Variants in FMNL2 observed in about 807,000 individuals in gnomAD.
FMNL2 encodes the protein formin like 2, also known as formin-like protein 2.
Under a neutral mutation model 130.2 loss-of-function variants are expected in FMNL2, and 51 were observed. That is an observed-to-expected ratio of 0.39 (90% CI 0.31 to 0.49). FMNL2 has a LOEUF of 0.49. Among genes scored for constraint, FMNL2 ranks in the 20% least tolerant of loss-of-function variants. The pLI, the probability that FMNL2 is intolerant of heterozygous loss-of-function variation, is 0.85. For synonymous variants in FMNL2, 465 were observed against 467.1 expected (o/e 1.00, Z 0.06); for missense variants, 977 against 1,316.2 (o/e 0.74, Z 3.99).
intron 1 of FMNL2, among the ~76,000 whole-genome samples, chr2:152,362,947 T>G (rs1207537301): frequency 6.6e-6 from 1 of 152,166 alleles, no homozygotes; most frequent in East Asian, 1.9e-4. Context: ...GATTACATAT[T>G]ACATGATTCC....
chr2:152,341,039 C>T (rs1681770458), intron 1 of FMNL2, among the ~76,000 whole-genome samples: 1 of 152,212 alleles, frequency 6.6e-6, no homozygotes, highest in African/African-American at 2.4e-5. Flanking sequence ...CAAGGTGTTG[C>T]TCCCTTTCAG....
chr2:152,415,032 T>G (rs1686527391), intron 1 of FMNL2, among the ~76,000 whole-genome samples: 1 of 152,190 alleles, frequency 6.6e-6, no homozygotes, highest in African/African-American at 2.4e-5. Flanking sequence ...AAAATTCCAG[T>G]ACAAAGTATC....
intron 12 of FMNL2, among the ~76,000 whole-genome samples, chr2:152,615,368 T>C (rs1698893081): frequency 6.6e-6 from 1 of 152,196 alleles, no homozygotes; most frequent in Admixed American, 6.5e-5. Flanking sequence ...TATCTTCTTA[T>C]CAACTATGTC....
At chr2:152,640,967 G>C (rs1373341285) in intron 25 of FMNL2, 53 bp downstream of exon 25, 10 of 1,603,802 alleles carry the variant, frequency 6.2e-6, no homozygotes, top group Non-Finnish European at 8.5e-6. Context: ...GCCTCACCTA[G>C]ACTGGGATGC....
chr2:152,640,406 CTTGCT>C (rs1273651944), intron 24 of FMNL2, among the ~76,000 whole-genome samples: 1 of 152,122 alleles, frequency 6.6e-6, no homozygotes, highest in African/African-American at 2.4e-5. Context: ...GCTGGAGGGA[CTTGCT>C]AGCAGGAATG....
intron 12 of FMNL2, among the ~76,000 whole-genome samples, chr2:152,616,770 G>A (rs1698975858): frequency 6.6e-6 from 1 of 152,134 alleles, no homozygotes; most frequent in African/African-American, 2.4e-5. Flanking sequence ...GGGGATGGAG[G>A]TGGACTTTCC....
At chr2:152,589,963 A>ATATGTATATGTATATG (rs1553482656) in intron 9 of FMNL2, among the ~76,000 whole-genome samples, 1 of 31,784 alleles carries the variant, frequency 3.1e-5, no homozygotes, top group Non-Finnish European at 6.5e-5. Context: ...ATATATATAT[A>ATATGTATATGTATATG]TATATATATA....
At chr2:152,460,575 G>A (rs573415216) in intron 1 of FMNL2, among the ~76,000 whole-genome samples, 2 of 152,226 alleles carry the variant, frequency 1.3e-5, no homozygotes, top group East Asian at 3.9e-4. Context: ...CCCAACCCCC[G>A]GGCCACGGAC....
intron 1 of FMNL2, among the ~76,000 whole-genome samples, chr2:152,351,536 C>CT (rs1002979366): frequency 4.1e-4 from 63 of 152,134 alleles, no homozygotes; most frequent in African/African-American, 1.4e-3. Flanking sequence ...TGAACTCATC[C>CT]TTTTTTATGG....
At chr2:152,500,969 C>T (rs1691794037) in intron 1 of FMNL2, among the ~76,000 whole-genome samples, 1 of 152,214 alleles carries the variant, frequency 6.6e-6, no homozygotes, top group African/African-American at 2.4e-5. Context: ...AGTCCCTGAC[C>T]GAGGCAGGCG....
chr2:152,338,727 T>C lies in FMNL2; in HGVS notation c.117+3007T>C, dbSNP rs187959449. Among the ~76,000 whole-genome samples, 6 of 152,062 alleles carry C rather than the reference T, an allele frequency of 3.9e-5. No homozygotes were observed. The East Asian group carries it at 1.2e-3, about 29-fold the overall frequency. ...ATCATTATAGTAATAGTTATAAAAC[T>C]TACATTTAAGGGAAAAAATTACTGT... On this transcript the variant is annotated intron_variant, in intron 1 of 25. Coordinates refer to ENST00000288670, the MANE Select transcript of FMNL2 (RefSeq NM_052905.4).
rs141818606 is a variant in FMNL2 at position 152,395,042 on chromosome 2, A to T, written c.117+59322A>T. Among the ~76,000 whole-genome samples, 684 of 152,274 alleles carry T rather than the reference A, an allele frequency of 4.5e-3. 3 individuals carry two copies. The highest frequency in any genetic ancestry group is 0.016 in the African/African-American group (667 of 41,536). Reference sequence around the variant, plus strand: ...TAAGAGTTATTCCTGCTGAACCAGGAATGCTGTTAGAGTGTCAAGGATGGA... The same window carrying T: ...TAAGAGTTATTCCTGCTGAACCAGGTATGCTGTTAGAGTGTCAAGGATGGA... On this transcript the variant is annotated intron_variant, in intron 1 of 25. Transcript: ENST00000288670.
chr2:152,356,943 T>TTGAA (rs1682831808), intron 1 of FMNL2, among the ~76,000 whole-genome samples: 1 of 148,108 alleles, frequency 6.8e-6, no homozygotes, highest in Non-Finnish European at 1.5e-5. Context: ...ATAATATATA[T>TTGAA]TAAGTAATAT....
chr2:152,454,803 T>C (rs6751094), intron 1 of FMNL2, among the ~76,000 whole-genome samples: 1,889 of 152,268 alleles, frequency 0.012, 42 homozygotes, highest in African/African-American at 0.043. Context: ...TTGATTTAAT[T>C]GGTCAGAGAA....
At chr2:152,623,631 T>C (rs1469172533) in intron 15 of FMNL2, among the ~76,000 whole-genome samples, 1 of 152,094 alleles carries the variant, frequency 6.6e-6, no homozygotes, top group Non-Finnish European at 1.5e-5. Context: ...TGTGTTGCTT[T>C]TATTTTGTTC....
chr2:152,572,883 A>G (rs1044762880), intron 6 of FMNL2, among the ~76,000 whole-genome samples: 14 of 152,086 alleles, frequency 9.2e-5, no homozygotes, highest in African/African-American at 2.9e-4. Flanking sequence ...GTCAGATTCC[A>G]TAAAATATGC....
At chr2:152,589,065 C>T (rs79091472) in intron 9 of FMNL2, among the ~76,000 whole-genome samples, 4,154 of 148,874 alleles carry the variant, frequency 0.028, 210 homozygotes, top group African/African-American at 0.097. Flanking sequence ...TTACTTATCA[C>T]GTCTTCAGGA....
At chr2:152,575,812 A>G (rs540928356) in intron 7 of FMNL2, among the ~76,000 whole-genome samples, 14 of 152,166 alleles carry the variant, frequency 9.2e-5, no homozygotes, top group Admixed American at 5.2e-4. Flanking sequence ...AAAAAGTTAC[A>G]ATTATTGACA....
At position 152,401,928 on chromosome 2, in the gene FMNL2, C is replaced by T. The variant is rs576791145; in HGVS notation, c.117+66208C>T. The stretch of plus-strand genomic sequence containing the variant: ...TTTTTTTTTTTTTTTTTTTTTGAGA[C>T]GGAGTCTCTTTCTGTCACCCAGGCT... On this transcript the variant is annotated intron_variant, in intron 1 of 25. Coordinates refer to ENST00000288670, the MANE Select transcript of FMNL2 (RefSeq NM_052905.4). Among the ~76,000 whole-genome samples, 20 of 87,174 alleles carry T rather than the reference C, an allele frequency of 2.3e-4. No individual in the cohort carries two copies. In the South Asian group the frequency reaches 5.4e-3, roughly 24 times the overall value. 57.2% of individuals were successfully genotyped at this position (87,174 alleles called of 152,430 possible). A position where few individuals can be genotyped will look rare whatever the true frequency, so the allele number is the denominator to read the frequency against.
Sources: gnomAD v4.1 joint callset for allele counts (sites outside exome capture counted in the v4.1 genomes callset) on GRCh38, gnomAD v4.1.1 for gene constraint, MANE v1.5 for transcripts, NCBI Gene and HGNC (gene_info 2026-07-23, HGNC 2026-07-21) for gene names.